Variants in PRRC1 observed in about 807,000 individuals in gnomAD.
The protein encoded by PRRC1 is proline rich coiled-coil 1, also known as protein PRRC1.
In PRRC1, 39 loss-of-function variants were observed where a neutral mutation model predicts 40.7. That is an observed-to-expected ratio of 0.96 (90% CI 0.74 to 1.25). PRRC1 has a LOEUF of 1.25. Among genes scored for constraint, PRRC1 ranks in the 50% most tolerant of loss-of-function variants. PRRC1 has a pLI of 0.00. For missense variants in PRRC1, 573 were observed against 548.3 expected, an observed-to-expected ratio of 1.05 and a Z score of -0.45; for synonymous variants, 175 against 193.3, an observed-to-expected ratio of 0.91 and a Z score of 0.79.
At chr5:127,545,722 A>G (rs538061401) in intron 7 of PRRC1, among the ~76,000 whole-genome samples, 2 of 151,978 alleles carry the variant, frequency 1.3e-5, no homozygotes, top group South Asian at 4.2e-4. Flanking sequence ...TGGCACATGT[A>G]TACATATGTA....
chr5:127,544,127 C>T (rs970314570), intron 7 of PRRC1, among the ~76,000 whole-genome samples: 2 of 152,226 alleles, frequency 1.3e-5, no homozygotes. Context: ...TTGGAGTTTG[C>T]TAGAGGTCCA....
rs1768428602 is a variant in PRRC1 at position 127,552,855 on chromosome 5, C to T, written c.*939C>T. The T allele has an allele frequency of 1.0e-6, 1 of 982,588 alleles. No homozygotes were observed. The highest frequency in any genetic ancestry group is 6.2e-5 in the Admixed American group (1 of 16,230). 60.9% of individuals were successfully genotyped at this position (982,588 alleles called of 1,614,324 possible). A position where few individuals can be genotyped will look rare whatever the true frequency, so the allele number is the denominator to read the frequency against. ...CAATTAAGGTTACTTATTTGGTTTG[C>T]CTTAAGCATTACTTTTTTAACTTTG... On this transcript the variant is annotated 3_prime_UTR_variant, in exon 9 of 9. Coordinates refer to ENST00000296666, the MANE Select transcript of PRRC1 (RefSeq NM_130809.5).
At position 127,548,456 on chromosome 5, in the gene PRRC1, C is replaced by CTTTT. The variant is rs33977862; in HGVS notation, c.1128+547_1128+550dup. The CTTTT allele has an allele frequency of 2.8e-3, 384 of 137,600 alleles. 4 individuals are homozygous for CTTTT. The highest frequency in any genetic ancestry group is 4.2e-3 in the African/African-American group (157 of 37,638). The allele number at this position is 137,600 out of a possible 1,614,324, so 8.5% of individuals were successfully genotyped here. Reference sequence around the variant, plus strand: ...AGTATAAATGATAATCCTTATTCCTCTTTTTTTTTTTTTTTGGTGTGTTTT... The same window carrying CTTTT: ...AGTATAAATGATAATCCTTATTCCTCTTTTTTTTTTTTTTTTTTTGGTGTGTTTT... On this transcript the variant is annotated intron_variant, in intron 8 of 8. Transcript: ENST00000296666.
chr5:127,538,910 T>C (rs1767964997), intron 6 of PRRC1, 130 bp from the exon 7 acceptor site: 1 of 543,818 alleles, frequency 1.8e-6, no homozygotes, highest in African/African-American at 2.0e-5. Flanking sequence ...TTTTGTATTG[T>C]TTGAACGTTT....
At chr5:127,548,761 C>T (rs750290846) in intron 8 of PRRC1, 2 of 151,960 alleles carry the variant, frequency 1.3e-5, no homozygotes, top group Non-Finnish European at 2.9e-5. Context: ...TCACATAATC[C>T]CTAAAAGTAA....
At chr5:127,531,569 C>A (rs941815250) in intron 5 of PRRC1, among the ~76,000 whole-genome samples, 1 of 151,048 alleles carries the variant, frequency 6.6e-6, no homozygotes, top group Non-Finnish European at 1.5e-5. Flanking sequence ...CTTATTTAAT[C>A]CTTAGAGCAA....
In PRRC1 at chr5:127,537,565, C is replaced by T. The variant is rs1046371057; in HGVS notation, c.922-1475C>T. On this transcript the variant is annotated intron_variant, in intron 6 of 8. Coordinates refer to ENST00000296666, the MANE Select transcript of PRRC1 (RefSeq NM_130809.5). ...ATTTTAATTAAATGTTTTGTGAATC[C>T]TGTGAAATATAAAGCTCTGTGCTGT... Among the ~76,000 whole-genome samples, 3 of 151,844 alleles carry T rather than the reference C, an allele frequency of 2.0e-5. No individual in the cohort carries two copies. The East Asian group carries it at 5.8e-4, about 29-fold the overall frequency.
Position 127,547,814 on chromosome 5 carries a change from T to G in PRRC1, c.1026-5T>G. On this transcript the variant is annotated splice_region_variant and splice_polypyrimidine_tract_variant and intron_variant, in intron 7 of 8. Transcript: ENST00000296666. ...AACCATTTGAAACTCGTAATTCTGT[T>G]GCAGATGGTTTGACATTGGTTGTTT... The G allele has an allele frequency of 6.2e-7, 1 of 1,605,416 alleles. No individual in the cohort carries two copies. The highest frequency in any genetic ancestry group is 8.5e-7 in the Non-Finnish European group (1 of 1,173,582).
rs761264105 is a variant in PRRC1 at position 127,552,324 on chromosome 5, A to ATCTC, written c.*410_*413dup. On this transcript the variant is annotated 3_prime_UTR_variant, in exon 9 of 9. Transcript: ENST00000296666. ...TAAAAGCATGATTTGCTTTGGCTTC[A>ATCTC]TCTCTTTTCTGTCAGTCTTTGACTA... 29 of 1,024,742 alleles carry ATCTC rather than the reference A, an allele frequency of 2.8e-5. No individual in the cohort carries two copies. The East Asian group carries it at 1.7e-3, about 60-fold the overall frequency. 63.5% of individuals were successfully genotyped at this position (1,024,742 alleles called of 1,614,324 possible).
chr5:127,526,269 T>G (rs1767610854), intron 3 of PRRC1, among the ~76,000 whole-genome samples: 1 of 152,210 alleles, frequency 6.6e-6, no homozygotes, highest in Non-Finnish European at 1.5e-5. Context: ...GTAATAATTG[T>G]GTGCTTTTTT....
chr5:127,547,631 C>T (rs894946054), intron 7 of PRRC1, among the ~76,000 whole-genome samples, 188 bp from the exon 8 acceptor site: 4 of 140,464 alleles, frequency 2.8e-5, no homozygotes, highest in African/African-American at 1.0e-4. Flanking sequence ...CTTTTTTCCT[C>T]TTAGAATTAA....
chr5:127,552,503 CCAT>C lies in PRRC1; in HGVS notation c.*590_*592del. 3 of 986,262 alleles carry C rather than the reference CCAT, an allele frequency of 3.0e-6. No individual in the cohort carries two copies. Among genetic ancestry groups the C allele is most frequent in the Non-Finnish European group, 3.6e-6 (3 of 830,166 alleles). The allele number at this position is 986,262 out of a possible 1,614,324, so 61.1% of individuals were successfully genotyped here. On this transcript the variant is annotated 3_prime_UTR_variant, in exon 9 of 9. Transcript: ENST00000296666. ...TGGAATTGATTATTTTCCTTTTTGG[CCAT>C]CACGTACACATGTAATCTGGAAAAT...
chr5:127,538,766 T>G (rs1580942416), intron 6 of PRRC1, among the ~76,000 whole-genome samples: 3 of 152,130 alleles, frequency 2.0e-5, no homozygotes, highest in Admixed American at 6.5e-5. Flanking sequence ...TAACAATCAA[T>G]GAGAAAATGT....
chr5:127,540,804 T>G (rs1768023375), intron 7 of PRRC1, among the ~76,000 whole-genome samples: 1 of 152,194 alleles, frequency 6.6e-6, no homozygotes, highest in African/African-American at 2.4e-5. Context: ...TGTTTTTTTC[T>G]TGTAAATTTG....
Position 127,547,704 on chromosome 5 carries a change from T to A in PRRC1, c.1026-115T>A, listed in dbSNP as rs531339401. On this transcript the variant is annotated intron_variant, in intron 7 of 8. Transcript: ENST00000296666. ...CTTTTGCAAGTTGGTAAGAAAAAGA[T>A]TTCCTTTTTGAAATCTGTTCTATCT... is the stretch of plus-strand genomic sequence containing the variant. 3.0e-4 allele frequency: 172 copies of A among 571,152 alleles called. No individual in the cohort carries two copies. The African/African-American group carries it at 3.2e-3, about 11-fold the overall frequency. 35.4% of individuals were successfully genotyped at this position (571,152 alleles called of 1,614,324 possible).
chr5:127,550,835 G>A (rs1768357756), intron 8 of PRRC1: 2 of 152,168 alleles, frequency 1.3e-5, no homozygotes, highest in African/African-American at 4.8e-5. Context: ...CCAAGTGCTG[G>A]ACTGTTTGCA....
intron 7 of PRRC1, among the ~76,000 whole-genome samples, chr5:127,540,843 GC>G (rs1439807280): frequency 6.6e-6 from 1 of 151,856 alleles, no homozygotes; most frequent in Non-Finnish European, 1.5e-5. Flanking sequence ...CTGGATATTA[GC>G]CCTTTGTTAG....
intron 6 of PRRC1, among the ~76,000 whole-genome samples, chr5:127,534,098 C>A (rs1220947862): frequency 1.3e-5 from 2 of 152,108 alleles, no homozygotes; most frequent in Admixed American, 6.5e-5. Flanking sequence ...ATGATAATAT[C>A]CCTTGAATCC....
At chr5:127,542,613 C>G (rs1768080678) in intron 7 of PRRC1, among the ~76,000 whole-genome samples, 1 of 151,364 alleles carries the variant, frequency 6.6e-6, no homozygotes, top group Non-Finnish European at 1.5e-5. Context: ...GAATTGATCC[C>G]TTTACCATTA....
Sources: gnomAD v4.1 joint callset for allele counts (sites outside exome capture counted in the v4.1 genomes callset) on GRCh38, gnomAD v4.1.1 for gene constraint, MANE v1.5 for transcripts, NCBI Gene and HGNC (gene_info 2026-07-23, HGNC 2026-07-21) for gene names.